Variants in SMARCAL1 observed in about 807,000 individuals in gnomAD.
The protein encoded by SMARCAL1 is ATP-driven annealing helicase.
A neutral mutation model predicts 94.5 loss-of-function variants in SMARCAL1; 58 were observed. The observed-to-expected ratio is 0.61, with a 90% CI of 0.50 to 0.76. The LOEUF (loss-of-function observed/expected upper bound fraction) is 0.76, where lower values mean the gene tolerates loss of function less well. Ranked by LOEUF, SMARCAL1 falls within the 30% of genes least tolerant of loss-of-function variation. SMARCAL1 has a pLI of 0.00. For missense variants in SMARCAL1, 1,051 were observed against 1,177.9 expected (o/e 0.89, Z 1.58); for synonymous variants, 422 against 455.1 (o/e 0.93, Z 0.93).
At chr2:216,437,102 C>T (rs1354284978) in intron 9 of SMARCAL1, among the ~76,000 whole-genome samples, 2 of 152,210 alleles carry the variant, frequency 1.3e-5, no homozygotes, top group Non-Finnish European at 2.9e-5. Flanking sequence ...AGAGTGATGG[C>T]TCTGAAGTGT....
intron 10 of SMARCAL1, among the ~76,000 whole-genome samples, chr2:216,439,430 A>C (rs549060168): frequency 6.6e-6 from 1 of 152,106 alleles, no homozygotes; most frequent in Non-Finnish European, 1.5e-5. Context: ...CTCACAGATT[A>C]CTTTGGAGGT....
chr2:216,473,197 G>A (rs1695003603), intron 14 of SMARCAL1, among the ~76,000 whole-genome samples: 1 of 151,604 alleles, frequency 6.6e-6, no homozygotes, highest in Non-Finnish European at 1.5e-5. Flanking sequence ...CTGGTCTACG[G>A]TCTGTCACTA....
At position 216,439,648 on chromosome 2, in the gene SMARCAL1, A is replaced by C. The variant is rs180818255; in HGVS notation, c.1710+1163A>C. On this transcript the variant is annotated intron_variant, in intron 10 of 17. Transcript: ENST00000357276. ...ATTAATCTTAACATTTCCTCACAAA[A>C]CACACGTAAGTGTCCACTCATTTCA... Among the ~76,000 whole-genome samples, 483 of 152,368 alleles carry C rather than the reference A, an allele frequency of 3.2e-3. 1 individual carries two copies. Among genetic ancestry groups the C allele is most frequent in the African/African-American group, 0.011 (450 of 41,580 alleles).
chr2:216,448,281 C>G (rs1052496128), intron 11 of SMARCAL1, among the ~76,000 whole-genome samples: 4 of 152,180 alleles, frequency 2.6e-5, no homozygotes, highest in African/African-American at 9.7e-5. Flanking sequence ...TTCATGGTCC[C>G]TCAAAACTCT....
chr2:216,437,756 AAAAG>A (rs1694109065), intron 9 of SMARCAL1, among the ~76,000 whole-genome samples: 1 of 148,368 alleles, frequency 6.7e-6, no homozygotes, highest in Non-Finnish European at 1.5e-5. Flanking sequence ...TTATGCAACA[AAAAG>A]AAAAAAAGAA....
intron 13 of SMARCAL1, 124 bp downstream of exon 13, chr2:216,464,791 G>A (rs1694796214): frequency 2.6e-6 from 2 of 766,156 alleles, no homozygotes; most frequent in Non-Finnish European, 4.6e-6. Context: ...ATTATTAAAT[G>A]TGCCTTTTGT....
chr2:216,432,761 A>G lies in SMARCAL1; in HGVS notation c.1378A>G (p.Met460Val). ...AGGCCGCCTGCTGCTCGCTGACGAC[A>G]TGGGCCTGGGGAAGACCATCCAAGC... ...KGGRLLLADD[M>V]GLGKTIQAIC... Residue 460 changes from methionine (M) to valine (V), a missense_variant, in exon 8 of 18, where the codon ATG becomes GTG. Coordinates refer to ENST00000357276, the MANE Select transcript of SMARCAL1 (RefSeq NM_014140.4). 5 of 1,614,124 alleles carry G rather than the reference A, an allele frequency of 3.1e-6. No individual in the cohort carries two copies. The highest frequency in any genetic ancestry group is 3.4e-6 in the Non-Finnish European group (4 of 1,180,024).
intron 4 of SMARCAL1, among the ~76,000 whole-genome samples, chr2:216,418,099 G>A (rs573679345): frequency 6.6e-6 from 1 of 152,100 alleles, no homozygotes; most frequent in East Asian, 1.9e-4. Context: ...TATATTTTTA[G>A]TAGAGATGGG....
intron 11 of SMARCAL1, among the ~76,000 whole-genome samples, 178 bp downstream of exon 11, chr2:216,447,336 T>C (rs1694341318): frequency 6.6e-6 from 1 of 152,070 alleles, no homozygotes; most frequent in Non-Finnish European, 1.5e-5. Context: ...AAGATGAAAA[T>C]GGTCATCTTA....
rs754205854 is a variant in SMARCAL1, at chr2:216,464,678, A to C, written c.2141+11A>C. On this transcript the variant is annotated intron_variant, in intron 13 of 17. Coordinates refer to ENST00000357276, the MANE Select transcript of SMARCAL1 (RefSeq NM_014140.4). ...AATCCCATCTGTCATGTAAGTGGTC[A>C]CTAAGTGTCGACCTCTCTCTCTCTC... 1.3e-6 allele frequency: 2 copies of C among 1,589,654 alleles called. No homozygotes were observed. Among genetic ancestry groups the C allele is most frequent in the Admixed American group, 3.3e-5 (2 of 59,960 alleles).
chr2:216,415,540 T>G lies in SMARCAL1; in HGVS notation c.811+25T>G, dbSNP rs745505362. ...GGTAATGTCTTCATTTTTCAGCTGT[T>G]TTTTTTTTTTTTTCTTATTTTTGGA... On this transcript the variant is annotated intron_variant, in intron 3 of 17. Coordinates refer to ENST00000357276, the MANE Select transcript of SMARCAL1 (RefSeq NM_014140.4). 31 of 704,748 alleles carry G rather than the reference T, an allele frequency of 4.4e-5. No individual in the cohort carries two copies. The South Asian group carries it at 7.1e-4, about 16-fold the overall frequency. 43.7% of individuals were successfully genotyped at this position (704,748 alleles called of 1,614,324 possible). A position where few individuals can be genotyped will look rare whatever the true frequency, so the allele number is the denominator to read the frequency against.
chr2:216,438,159 G>A (rs1474946660), intron 9 of SMARCAL1, among the ~76,000 whole-genome samples: 4 of 152,186 alleles, frequency 2.6e-5, no homozygotes, highest in African/African-American at 4.8e-5. Context: ...TGAGGTGGGC[G>A]GAGCAGGGAT....
chr2:216,434,724 A>T (rs1030195408), intron 8 of SMARCAL1, among the ~76,000 whole-genome samples: 1 of 151,918 alleles, frequency 6.6e-6, no homozygotes, highest in Non-Finnish European at 1.5e-5. Flanking sequence ...GTGCACCTGT[A>T]GTCCCAGCAA....
chr2:216,455,760 C>T (rs1694551500), intron 12 of SMARCAL1, among the ~76,000 whole-genome samples: 1 of 152,194 alleles, frequency 6.6e-6, no homozygotes, highest in Non-Finnish European at 1.5e-5. Context: ...AAAAACAGAG[C>T]AGAAAAACTG....
rs188725358 is a variant in SMARCAL1, at chr2:216,467,414, T to C, written c.2142-530T>C. Reference sequence around the variant, plus strand: ...TGAACCCAGGAGGTGGAGGTTGCAGTGAGCTGAGATTTCAGCACTGCACTC... The same window carrying C: ...TGAACCCAGGAGGTGGAGGTTGCAGCGAGCTGAGATTTCAGCACTGCACTC... On this transcript the variant is annotated intron_variant, in intron 13 of 17. Coordinates refer to ENST00000357276, the MANE Select transcript of SMARCAL1 (RefSeq NM_014140.4). Among the ~76,000 whole-genome samples the C allele has an allele frequency of 1.6e-4, 22 of 138,830 alleles. No individual in the cohort carries two copies. The East Asian group carries it at 4.4e-3, about 28-fold the overall frequency. 91.1% of individuals were successfully genotyped at this position (138,830 alleles called of 152,430 possible). A position where few individuals can be genotyped will look rare whatever the true frequency, so the allele number is the denominator to read the frequency against.
rs200632025 is a variant in SMARCAL1 at position 216,482,965 on chromosome 2, G to A, written c.2853G>A (p.Thr951=). Residue 951 remains threonine (T), a synonymous_variant, in exon 18 of 18, where the codon ACG becomes ACA. Coordinates refer to ENST00000357276, the MANE Select transcript of SMARCAL1 (RefSeq NM_014140.4). This position sits in a 1 kb window ranked among gnomAD's most constrained non-coding sequence, Gnocchi z 4.3. ...TTTTTGATAACTGGGACAGCTTTAC[G>A]TCTCCCCTGTAAAAGGGGCAAAAAG... is the stretch of plus-strand genomic sequence containing the variant. ...FEFFDNWDSF[T]SPL is the part of the protein sequence containing the mutation. The A allele has an allele frequency of 3.7e-5, 59 of 1,613,962 alleles. No homozygotes were observed. The highest frequency in any genetic ancestry group is 1.7e-4 in the Middle Eastern group (1 of 6,060).
rs1355363936 is a variant in SMARCAL1, at chr2:216,420,327, C to T, written c.891C>T (p.Val297=). The change falls in exon 5 of 18, where the codon GTC becomes GTT. Residue 297 remains valine, a synonymous_variant. Transcript: ENST00000357276. ...LMKAAQSLPT[V]NLQPLEWAYG... The stretch of plus-strand genomic sequence containing the variant: ...AAGCAGCCCAGAGCCTCCCCACGGT[C>T]AACCTGCAGCCTCTGGAATGGGCCT... The T allele has an allele frequency of 6.2e-7, 1 of 1,614,046 alleles. No homozygotes were observed. The highest frequency in any genetic ancestry group is 2.2e-5 in the East Asian group (1 of 44,890).
At chr2:216,414,371 G>T in intron 2 of SMARCAL1, 1 of 325,174 alleles carries the variant, frequency 3.1e-6, no homozygotes, top group Non-Finnish European at 5.9e-6. Context: ...TGGCCAGGCT[G>T]GTCTCAAACT....
intron 12 of SMARCAL1, among the ~76,000 whole-genome samples, chr2:216,455,511 G>A (rs1311155930): frequency 1.3e-5 from 2 of 152,224 alleles, no homozygotes; most frequent in East Asian, 3.9e-4. Context: ...ACTTCCAGAA[G>A]AACGATCAGG....
Sources: allele counts gnomAD v4.1 joint callset (sites outside exome capture counted in the v4.1 genomes callset), GRCh38; gene constraint gnomAD v4.1.1; non-coding constraint Gnocchi (gnomAD v3.1); transcripts MANE v1.5; gene names NCBI Gene and HGNC (gene_info 2026-07-23, HGNC 2026-07-21).